FBXL17: variants seen among roughly 807,000 people sequenced by gnomAD.
The protein encoded by FBXL17 is F-box/LRR-repeat protein 17.
FBXL17 carries 22 observed loss-of-function variants against 66.2 expected under a neutral mutation model. The ratio of observed to expected loss-of-function variants is 0.33; its 90% CI spans 0.24 to 0.47. The LOEUF is 0.47. Among genes scored for constraint, FBXL17 ranks in the 20% least tolerant of loss-of-function variants. The pLI is 1.00. For missense variants in FBXL17, 878 were observed against 948.2 expected, an observed-to-expected ratio of 0.93 and a Z score of 0.97; for synonymous variants, 474 against 400.5, an observed-to-expected ratio of 1.18 and a Z score of -2.19.
chr5:108,368,914 T>TA (rs1215934502), intron 1 of FBXL17, among the ~76,000 whole-genome samples: 3 of 43,088 alleles, frequency 7.0e-5, no homozygotes, highest in African/African-American at 2.1e-4. Flanking sequence ...CTACAAGGAT[T>TA]TAAAAAAAAA....
At chr5:107,864,562 G>A (rs761395813) in intron 8 of FBXL17, among the ~76,000 whole-genome samples, 5 of 152,128 alleles carry the variant, frequency 3.3e-5, no homozygotes, top group Non-Finnish European at 5.9e-5. Context: ...CTGGTGGGAG[G>A]TGTTTGGTTC....
chr5:108,049,714 C>T (rs1192292098), intron 6 of FBXL17, among the ~76,000 whole-genome samples: 1 of 152,234 alleles, frequency 6.6e-6, no homozygotes, highest in East Asian at 1.9e-4. Flanking sequence ...ATCATGATGA[C>T]AGGATCAAAT....
intron 5 of FBXL17, among the ~76,000 whole-genome samples, chr5:108,211,489 C>T (rs1754369151): frequency 6.6e-6 from 1 of 152,130 alleles, no homozygotes; most frequent in Admixed American, 6.6e-5. Context: ...ATGTTTAGTG[C>T]TTCTTTCAGG....
intron 1 of FBXL17, among the ~76,000 whole-genome samples, chr5:108,376,617 T>G (rs893366565): frequency 1.3e-5 from 2 of 152,216 alleles, no homozygotes; most frequent in Non-Finnish European, 2.9e-5. Flanking sequence ...ATGTTTATAA[T>G]AGCAGTTTGA....
chr5:108,227,267 C>G (rs1239026133), intron 4 of FBXL17, among the ~76,000 whole-genome samples: 1 of 152,154 alleles, frequency 6.6e-6, no homozygotes, highest in Non-Finnish European at 1.5e-5. Flanking sequence ...AGAAGTTACA[C>G]TGACAGTGTT....
chr5:108,022,446 G>A (rs1037663853), intron 6 of FBXL17, among the ~76,000 whole-genome samples: 1 of 151,762 alleles, frequency 6.6e-6, no homozygotes, highest in Non-Finnish European at 1.5e-5. Flanking sequence ...CACGCTAAGA[G>A]TACAAATAAA....
chr5:107,949,161 C>G (rs114073300), intron 7 of FBXL17, among the ~76,000 whole-genome samples: 15 of 145,818 alleles, frequency 1.0e-4, no homozygotes, highest in Admixed American at 4.8e-4. Context: ...GGCTTCCACA[C>G]CACATCTGTC....
chr5:108,259,637 A>C (rs1756726853), intron 4 of FBXL17, among the ~76,000 whole-genome samples: 1 of 152,190 alleles, frequency 6.6e-6, no homozygotes, highest in African/African-American at 2.4e-5. Context: ...AGAACTTCTA[A>C]AGAAGTCCAA....
intron 4 of FBXL17, among the ~76,000 whole-genome samples, chr5:108,325,533 T>C (rs989013767): frequency 1.3e-5 from 2 of 151,982 alleles, no homozygotes; most frequent in African/African-American, 2.4e-5. Flanking sequence ...GGAAAAAGTA[T>C]AAACAAAGGT....
At chr5:108,011,573 G>T (rs1289273512) in intron 7 of FBXL17, among the ~76,000 whole-genome samples, 2 of 152,142 alleles carry the variant, frequency 1.3e-5, no homozygotes, top group African/African-American at 4.8e-5. Context: ...GGAGGCCAAG[G>T]CGTACAGGTC....
chr5:108,224,938 T>C (rs1044459125), intron 4 of FBXL17, among the ~76,000 whole-genome samples: 21 of 152,224 alleles, frequency 1.4e-4, no homozygotes, highest in African/African-American at 5.1e-4. Flanking sequence ...AATATATATT[T>C]TTTTATTGAC....
intron 6 of FBXL17, among the ~76,000 whole-genome samples, chr5:108,140,052 T>G (rs1181471208): frequency 2.0e-5 from 3 of 152,126 alleles, no homozygotes; most frequent in African/African-American, 7.2e-5. Flanking sequence ...CCTATCATTT[T>G]TTGTTTGTTT....
chr5:107,903,553 A>G (rs1247457945), intron 7 of FBXL17, among the ~76,000 whole-genome samples: 1 of 152,168 alleles, frequency 6.6e-6, no homozygotes, highest in African/African-American at 2.4e-5. Context: ...TGATTTGTTT[A>G]CAGTCATGCA....
intron 6 of FBXL17, among the ~76,000 whole-genome samples, chr5:108,036,519 T>C (rs1012855197): frequency 2.6e-5 from 4 of 152,174 alleles, no homozygotes; most frequent in African/African-American, 9.7e-5. Context: ...CCCCTACGAA[T>C]ACCATATACA....
intron 5 of FBXL17, among the ~76,000 whole-genome samples, chr5:108,219,241 G>C (rs950468063): frequency 6.6e-6 from 1 of 152,146 alleles, no homozygotes; most frequent in African/African-American, 2.4e-5. Context: ...CATCTGGGAT[G>C]GGAGTATTGG....
intron 7 of FBXL17, among the ~76,000 whole-genome samples, chr5:107,984,878 G>T (rs1456576594): frequency 2.0e-5 from 3 of 151,818 alleles, no homozygotes; most frequent in African/African-American, 7.3e-5. Flanking sequence ...GTGCATTTTG[G>T]GGCAAAAAGG....
intron 5 of FBXL17, among the ~76,000 whole-genome samples, chr5:108,197,109 C>T (rs1272125898): frequency 7.1e-6 from 1 of 140,522 alleles, no homozygotes; most frequent in Non-Finnish European, 1.5e-5. Context: ...CTTTTCTTTC[C>T]ACCAAATCTC....
chr5:107,912,763 A>G (rs1749993939), intron 7 of FBXL17, among the ~76,000 whole-genome samples: 1 of 152,178 alleles, frequency 6.6e-6, no homozygotes, highest in Non-Finnish European at 1.5e-5. Flanking sequence ...AGCATCATAC[A>G]GGTTTTTACG....
chr5:108,182,218 T>C (rs1340048290), intron 6 of FBXL17, among the ~76,000 whole-genome samples: 1 of 152,160 alleles, frequency 6.6e-6, no homozygotes, highest in Admixed American at 6.5e-5. Flanking sequence ...TCTGATTTAC[T>C]GGAGGATAAT....
Sources: allele counts gnomAD v4.1 joint callset (sites outside exome capture counted in the v4.1 genomes callset), GRCh38; gene constraint gnomAD v4.1.1; transcripts MANE v1.5; gene names NCBI Gene and HGNC (gene_info 2026-07-23, HGNC 2026-07-21).